The following FAM124B variants were observed in gnomAD, a reference collection of about 807,000 sequenced individuals.
FAM124B encodes the protein family with sequence similarity 124 member B, also known as protein FAM124B.
A neutral mutation model predicts 19.7 loss-of-function variants in FAM124B; 18 were observed. The ratio of observed to expected loss-of-function variants is 0.92; its 90% CI spans 0.63 to 1.36. FAM124B has a LOEUF of 1.36. Among genes scored for constraint, FAM124B ranks in the 40% most tolerant of loss-of-function variants. The pLI is 0.00. For synonymous variants in FAM124B, 223 were observed against 225.2 expected (o/e 0.99, Z 0.09); for missense variants, 540 against 553.3 (o/e 0.98, Z 0.24).
chr2:224,400,001 C>A (rs768130571), intron 1 of FAM124B: 2 of 152,868 alleles, frequency 1.3e-5, no homozygotes, highest in African/African-American at 2.4e-5. Flanking sequence ...AAAGGCAATG[C>A]ACGGCAGCTA....
At position 224,380,077 on chromosome 2, in the gene FAM124B, CT is replaced by C; in HGVS notation, c.863del (p.Lys288ArgfsTer58). 6.4e-7 allele frequency: 1 copy of C among 1,551,704 alleles called. No individual in the cohort carries two copies. The highest frequency in any genetic ancestry group is 2.4e-5 in the East Asian group (1 of 40,908). ...SEPRSQRNQG[K>X]RSQGHSLELP... ...GCTCCAGAGAATGCCCCTGGGACCTCTTGCCCTGGTTCCTCTGGCTCCTGGG... is the reference window on the plus strand; with the variant it reads ...GCTCCAGAGAATGCCCCTGGGACCTCTGCCCTGGTTCCTCTGGCTCCTGGG... On this transcript the variant is annotated frameshift_variant, in exon 2 of 2. Transcript: ENST00000409685. LOFTEE classifies it low-confidence loss of function (END_TRUNC).
At chr2:224,388,695 G>A (rs911496398) in intron 1 of FAM124B, among the ~76,000 whole-genome samples, 2 of 152,158 alleles carry the variant, frequency 1.3e-5, no homozygotes, top group East Asian at 1.9e-4. Flanking sequence ...TCGTACCCTC[G>A]AAAAATAGTT....
rs1003274002 is a variant in FAM124B, at chr2:224,379,533, T to C, written c.*40A>G. The C allele has an allele frequency of 4.0e-6, 6 of 1,483,628 alleles. No homozygotes were observed. The highest frequency in any genetic ancestry group is 3.6e-6 in the Non-Finnish European group (4 of 1,117,114). The allele number at this position is 1,483,628 out of a possible 1,614,324, so 91.9% of individuals were successfully genotyped here. On this transcript the variant is annotated 3_prime_UTR_variant, in exon 2 of 2. Transcript: ENST00000409685. The stretch of plus-strand genomic sequence containing the variant: ...TCAGTACTCCATTTCTAGAACATTT[T>C]ATCTGATCTTGTGTTTTAGAAAACC...
At chr2:224,398,147 G>C (rs1329597976) in intron 1 of FAM124B, among the ~76,000 whole-genome samples, 1 of 152,146 alleles carries the variant, frequency 6.6e-6, no homozygotes, top group Non-Finnish European at 1.5e-5. Context: ...ATCTAGGCTG[G>C]AGTTCACTGG....
intron 1 of FAM124B, among the ~76,000 whole-genome samples, chr2:224,388,388 A>C (rs1689831330): frequency 6.6e-6 from 1 of 152,262 alleles, no homozygotes; most frequent in Non-Finnish European, 1.5e-5. Flanking sequence ...AATAGTAATC[A>C]GCCATAAAAG....
intron 1 of FAM124B, among the ~76,000 whole-genome samples, chr2:224,385,039 CT>C (rs1689781348): frequency 6.6e-6 from 1 of 152,178 alleles, no homozygotes; most frequent in Non-Finnish European, 1.5e-5. Context: ...CTCCCCTTCA[CT>C]GTCAAACCTG....
intron 1 of FAM124B, among the ~76,000 whole-genome samples, chr2:224,388,543 G>A (rs1689833056): frequency 6.6e-6 from 1 of 152,164 alleles, no homozygotes. Context: ...ACAGAAAGTA[G>A]AATCGAGGTT....
intron 1 of FAM124B, among the ~76,000 whole-genome samples, chr2:224,390,703 TG>T (rs137931770): frequency 0.33 from 46,960 of 144,034 alleles, 7,905 homozygotes; most frequent in South Asian, 0.42. Flanking sequence ...CTTTTTTTTT[TG>T]TTTGTTTGTT....
Position 224,379,870 on chromosome 2 carries a change from A to C in FAM124B, c.1071T>G (p.Leu357=), listed in dbSNP as rs1281516802. 6.4e-7 allele frequency: 1 copy of C among 1,551,932 alleles called. No individual in the cohort carries two copies. Among genetic ancestry groups the C allele is most frequent in the African/African-American group, 1.4e-5 (1 of 73,044 alleles). ...VLNRENSFQK[L]EAETNVDTGL... is the part of the protein sequence containing the mutation. ...CGGTGTCAACATTCGTCTCGGCCTC[A>C]AGCTTCTGAAAGCTGTTTTCCCGGT... Residue 357 remains leucine, a synonymous_variant, in exon 2 of 2, where the codon CTT becomes CTG. Transcript: ENST00000409685.
chr2:224,385,581 C>T (rs532632076), intron 1 of FAM124B, among the ~76,000 whole-genome samples: 1 of 152,302 alleles, frequency 6.6e-6, no homozygotes, highest in South Asian at 2.1e-4. Context: ...GTCCCTTAAG[C>T]TTCATCTGTC....
chr2:224,391,475 G>A (rs1417194982), intron 1 of FAM124B, among the ~76,000 whole-genome samples: 2 of 152,096 alleles, frequency 1.3e-5, no homozygotes, highest in Non-Finnish European at 2.9e-5. Context: ...TGCCATCAGC[G>A]AAACTGTCAT....
chr2:224,395,546 G>T (rs1443657343), intron 1 of FAM124B, among the ~76,000 whole-genome samples: 1 of 152,162 alleles, frequency 6.6e-6, no homozygotes, highest in African/African-American at 2.4e-5. Flanking sequence ...ATAAAGGGAA[G>T]GTTGAACCCA....
At chr2:224,399,189 C>T (rs1690022803) in intron 1 of FAM124B, among the ~76,000 whole-genome samples, 1 of 152,160 alleles carries the variant, frequency 6.6e-6, no homozygotes. Flanking sequence ...GTCAGTCAGC[C>T]TTAAAGACAG....
At chr2:224,381,330 C>A (rs868264458) in intron 1 of FAM124B, among the ~76,000 whole-genome samples, 2 of 152,182 alleles carry the variant, frequency 1.3e-5, no homozygotes, top group Middle Eastern at 3.4e-3. Context: ...GTGGTCCATA[C>A]ATATAGTCCC....
At chr2:224,386,362 C>T (rs952356948) in intron 1 of FAM124B, among the ~76,000 whole-genome samples, 1 of 152,176 alleles carries the variant, frequency 6.6e-6, no homozygotes, top group African/African-American at 2.4e-5. Flanking sequence ...GAGAAGGAAG[C>T]CTTCTCAATG....
At chr2:224,389,127 T>A (rs886562573) in intron 1 of FAM124B, among the ~76,000 whole-genome samples, 2 of 152,012 alleles carry the variant, frequency 1.3e-5, no homozygotes, top group Non-Finnish European at 2.9e-5. Flanking sequence ...AGATGGGGTT[T>A]TACCATGTTG....
rs562165453 is a variant in FAM124B, at chr2:224,398,389, C to T, written c.732+2648G>A. Among the ~76,000 whole-genome samples the T allele has an allele frequency of 2.4e-4, 36 of 152,260 alleles. No homozygotes were observed. The South Asian group carries it at 6.8e-3, about 29-fold the overall frequency. Reference sequence around the variant, plus strand: ...CTAGTATTACAGGCCTGAGCCACCACGCCCAAGAATTTTCTATCCTGAAAA... The same window carrying T: ...CTAGTATTACAGGCCTGAGCCACCATGCCCAAGAATTTTCTATCCTGAAAA... On this transcript the variant is annotated intron_variant, in intron 1 of 1. Transcript: ENST00000409685.
In FAM124B at chr2:224,401,300, C is replaced by T. The variant is rs373140603; in HGVS notation, c.469G>A (p.Glu157Lys). ...GTCGCTTCTCTCTGCAGGATCATCT[C>T]GTAGAGTCTGATGGCGTCTTCATAG... ...DNYEDAIRLY[E>K]MILQREATLQ... The change falls in exon 1 of 2, where the codon GAG (glutamate) becomes AAG (lysine). Residue 157 changes from glutamate to lysine, a missense_variant. Coordinates refer to ENST00000409685, the MANE Select transcript of FAM124B (RefSeq NM_001122779.2). The T allele has an allele frequency of 1.2e-6, 2 of 1,613,898 alleles. No homozygotes were observed. The highest frequency in any genetic ancestry group is 1.7e-6 in the Non-Finnish European group (2 of 1,180,026).
chr2:224,397,455 G>A lies in FAM124B; in HGVS notation c.732+3582C>T, dbSNP rs139231845. Among the ~76,000 whole-genome samples, 32 of 152,256 alleles carry A rather than the reference G, an allele frequency of 2.1e-4. No homozygotes were observed. In the East Asian group the frequency reaches 6.2e-3, roughly 29 times the overall value. On this transcript the variant is annotated intron_variant, in intron 1 of 1. Transcript: ENST00000409685. ...GAAAACAAACTAATAGAGTAAATTG[G>A]TATCAGTAGAGTGGGGCATTGCTGA...
Sources: allele counts gnomAD v4.1 joint callset (sites outside exome capture counted in the v4.1 genomes callset), GRCh38; gene constraint gnomAD v4.1.1; transcripts MANE v1.5; gene names NCBI Gene and HGNC (gene_info 2026-07-23, HGNC 2026-07-21).